The following SYCP1 variants were observed in gnomAD, a reference collection of about 807,000 sequenced individuals.
SYCP1 encodes cancer/testis antigen 8.
In SYCP1, 64 loss-of-function variants were observed where a neutral mutation model predicts 153.1. That is an observed-to-expected ratio of 0.42 (90% CI 0.34 to 0.51). The LOEUF is 0.51. Ranked by LOEUF, SYCP1 falls within the 20% of genes least tolerant of loss-of-function variation. The pLI is 0.06. For missense variants in SYCP1, 997 were observed against 1,049.0 expected (o/e 0.95, Z 0.68); for synonymous variants, 384 against 341.8 (o/e 1.12, Z -1.36).
At chr1:114,927,575 G>C (rs1224266656) in intron 23 of SYCP1, among the ~76,000 whole-genome samples, 1 of 152,120 alleles carries the variant, frequency 6.6e-6, no homozygotes, top group Non-Finnish European at 1.5e-5. Context: ...GAACTGAAAA[G>C]TAAAATGTCT....
At chr1:114,892,804 G>C (rs375514912) in intron 15 of SYCP1, among the ~76,000 whole-genome samples, 1 of 152,088 alleles carries the variant, frequency 6.6e-6, no homozygotes, top group Non-Finnish European at 1.5e-5. Context: ...GTATTGGCAG[G>C]TGGGGGATGT....
At chr1:114,878,801 C>T (rs555977751) in intron 12 of SYCP1, among the ~76,000 whole-genome samples, 6 of 152,282 alleles carry the variant, frequency 3.9e-5, no homozygotes, top group African/African-American at 1.4e-4. Context: ...CCTCAGCCTC[C>T]CAAAGTTCTG....
intron 29 of SYCP1, among the ~76,000 whole-genome samples, chr1:114,984,356 G>A (rs1673360613): frequency 6.6e-6 from 1 of 152,068 alleles, no homozygotes; most frequent in African/African-American, 2.4e-5. Context: ...TGTAGAGAGA[G>A]CAAAGCTCAC....
chr1:114,895,567 C>T lies in SYCP1; in HGVS notation c.1320+58C>T, dbSNP rs908248667. The T allele has an allele frequency of 4.3e-6, 4 of 929,544 alleles. No homozygotes were observed. The African/African-American group carries it at 5.0e-5, about 12-fold the overall frequency. 57.6% of individuals were successfully genotyped at this position (929,544 alleles called of 1,614,324 possible). On this transcript the variant is annotated intron_variant, in intron 16 of 31. Transcript: ENST00000369522. ...ATTACTTTTCAGAAGAATATTGAAT[C>T]CCTTAACTTATAGACTCTCACACTA...
At chr1:114,944,608 A>G (rs980653185) in intron 24 of SYCP1, among the ~76,000 whole-genome samples, 153 bp downstream of exon 24, 3 of 151,890 alleles carry the variant, frequency 2.0e-5, no homozygotes, top group East Asian at 1.9e-4. Flanking sequence ...ATCAGTTTTT[A>G]TAGAAACTAA....
At chr1:114,881,541 T>TTCC (rs1557767728) in intron 12 of SYCP1, among the ~76,000 whole-genome samples, 1 of 151,634 alleles carries the variant, frequency 6.6e-6, no homozygotes, top group Non-Finnish European at 1.5e-5. Flanking sequence ...CCTTCCTTCC[T>TTCC]TTCTTGATGG....
chr1:114,876,272 C>T (rs1171024934), intron 10 of SYCP1, 134 bp downstream of exon 10: 6 of 525,806 alleles, frequency 1.1e-5, no homozygotes, highest in Middle Eastern at 5.1e-4. Flanking sequence ...TCTGTAAGCC[C>T]CTCTAAATCT....
In SYCP1 at chr1:114,936,390, A is replaced by T. The variant is rs1670015770; in HGVS notation, c.1927-7949A>T. Among the ~76,000 whole-genome samples, 3 of 152,214 alleles carry T rather than the reference A, an allele frequency of 2.0e-5. No homozygotes were observed. In the South Asian group the frequency reaches 6.2e-4, roughly 32 times the overall value. ...AAAACACTCAATAAACTAGGTATTGATGGAACATATCTCAAAATAATAAGA... is the reference window on the plus strand; with the variant it reads ...AAAACACTCAATAAACTAGGTATTGTTGGAACATATCTCAAAATAATAAGA... On this transcript the variant is annotated intron_variant, in intron 23 of 31. Transcript: ENST00000369522.
At chr1:114,970,677 G>A (rs912695820) in intron 27 of SYCP1, among the ~76,000 whole-genome samples, 1 of 152,114 alleles carries the variant, frequency 6.6e-6, no homozygotes, top group African/African-American at 2.4e-5. Context: ...GATTGTTATT[G>A]CTCTTCTGGG....
chr1:114,910,887 CA>C (rs1050743101), intron 17 of SYCP1, among the ~76,000 whole-genome samples: 1 of 152,082 alleles, frequency 6.6e-6, no homozygotes, highest in Non-Finnish European at 1.5e-5. Flanking sequence ...CTCATCCCCT[CA>C]AGTAGCTAGG....
At chr1:114,989,357 G>A (rs1247442429) in intron 30 of SYCP1, among the ~76,000 whole-genome samples, 1 of 151,764 alleles carries the variant, frequency 6.6e-6, no homozygotes, top group Non-Finnish European at 1.5e-5. Context: ...TACACAAAAA[G>A]AAATGAGAAT....
rs573452577 is a variant in SYCP1 at position 114,929,846 on chromosome 1, A to G, written c.1926+3283A>G. Among the ~76,000 whole-genome samples, 30 of 152,170 alleles carry G rather than the reference A, an allele frequency of 2.0e-4. No individual in the cohort carries two copies. In the South Asian group the frequency reaches 5.6e-3, roughly 28 times the overall value. ...GAAAATCTGAACATCACTATTAACTACCTTGATTTAAATGATATTTATAGA... is the reference window on the plus strand; with the variant it reads ...GAAAATCTGAACATCACTATTAACTGCCTTGATTTAAATGATATTTATAGA... On this transcript the variant is annotated intron_variant, in intron 23 of 31. Transcript: ENST00000369522.
intron 27 of SYCP1, among the ~76,000 whole-genome samples, chr1:114,964,947 T>C (rs1302145811): frequency 1.3e-5 from 2 of 152,168 alleles, no homozygotes; most frequent in African/African-American, 2.4e-5. Flanking sequence ...TGTAAATTAC[T>C]TTGGGCAGCA....
At chr1:114,882,750 T>C (rs764779418) in intron 12 of SYCP1, among the ~76,000 whole-genome samples, 4 of 152,202 alleles carry the variant, frequency 2.6e-5, no homozygotes, top group Non-Finnish European at 4.4e-5. Flanking sequence ...ATTTGCTTTT[T>C]TTCCCCCCAT....
At position 114,926,267 on chromosome 1, in the gene SYCP1, C is replaced by T; in HGVS notation, c.1801-11C>T. The T allele has an allele frequency of 6.7e-7, 1 of 1,490,100 alleles. No individual in the cohort carries two copies. Among genetic ancestry groups the T allele is most frequent in the East Asian group, 2.4e-5 (1 of 42,546 alleles). 92.3% of individuals were successfully genotyped at this position (1,490,100 alleles called of 1,614,324 possible). ...TGAATAAAATAGCTATAATTTCTCA[C>T]AATTTTTTAGTGTAACAATTTAAGG... On this transcript the variant is annotated splice_polypyrimidine_tract_variant and intron_variant, in intron 21 of 31. Transcript: ENST00000369522.
intron 28 of SYCP1, among the ~76,000 whole-genome samples, chr1:114,978,028 A>G (rs1310672747): frequency 1.3e-5 from 2 of 151,622 alleles, no homozygotes; most frequent in African/African-American, 4.8e-5. Context: ...GGCTTAATAA[A>G]TGACATCCTG....
intron 20 of SYCP1, among the ~76,000 whole-genome samples, chr1:114,915,471 A>G (rs1043482831): frequency 4.6e-5 from 7 of 152,230 alleles, no homozygotes; most frequent in Non-Finnish European, 8.8e-5. Flanking sequence ...ACAAAGGGTG[A>G]TACGTGTTCT....
chr1:114,855,420 C>T, intron 1 of SYCP1, 21 bp from the exon 2 acceptor site: 2 of 1,374,708 alleles, frequency 1.5e-6, no homozygotes, highest in Non-Finnish European at 1.9e-6. Context: ...TCCTTCCCCT[C>T]CCGCCCCCCC....
chr1:114,861,456 A>T (rs913015415), intron 8 of SYCP1, among the ~76,000 whole-genome samples: 1 of 152,136 alleles, frequency 6.6e-6, no homozygotes, highest in African/African-American at 2.4e-5. Context: ...TCCATTGGGA[A>T]ATACTGTCTA....
Sources: allele counts gnomAD v4.1 joint callset (sites outside exome capture counted in the v4.1 genomes callset), GRCh38; gene constraint gnomAD v4.1.1; transcripts MANE v1.5; gene names NCBI Gene and HGNC (gene_info 2026-07-23, HGNC 2026-07-21).